ASPH: variants seen among roughly 807,000 people sequenced by gnomAD.
ASPH encodes the protein aspartyl/asparaginyl beta-hydroxylase.
In ASPH, 100 loss-of-function variants were observed where a neutral mutation model predicts 118.4. That is an observed-to-expected ratio of 0.84 (90% CI 0.72 to 1.00). ASPH has a LOEUF of 1.00. Among genes scored for constraint, ASPH ranks in the 50% least tolerant of loss-of-function variants. The pLI is 0.00. For missense variants in ASPH, 920 were observed against 919.5 expected (o/e 1.00, Z -0.01); for synonymous variants, 315 against 325.6 (o/e 0.97, Z 0.35).
rs560462523 is a variant in ASPH at position 61,639,784 on chromosome 8, T to C, written c.791-1421A>G. Among the ~76,000 whole-genome samples the C allele has an allele frequency of 1.1e-4, 16 of 152,228 alleles. No homozygotes were observed. The East Asian group carries it at 2.7e-3, about 26-fold the overall frequency. ...CTCAGATGCCTCAAAGAAATCTCAC[T>C]ATCATCATGTAAAGAACTGGACTCA... On this transcript the variant is annotated intron_variant, in intron 10 of 24. Coordinates refer to ENST00000379454, the MANE Select transcript of ASPH (RefSeq NM_004318.4).
intron 21 of ASPH, among the ~76,000 whole-genome samples, chr8:61,532,923 G>A (rs1247123016): frequency 6.6e-6 from 1 of 152,174 alleles, no homozygotes; most frequent in Non-Finnish European, 1.5e-5. Context: ...CTATATGCAA[G>A]TATAGCTATG....
chr8:61,581,356 C>T (rs1047294615), intron 15 of ASPH, among the ~76,000 whole-genome samples: 3 of 152,172 alleles, frequency 2.0e-5, no homozygotes, highest in African/African-American at 7.2e-5. Flanking sequence ...TGATCTGTTC[C>T]TCAACATAGC....
chr8:61,599,062 C>T (rs1394853657), intron 14 of ASPH, among the ~76,000 whole-genome samples: 1 of 151,976 alleles, frequency 6.6e-6, no homozygotes, highest in Non-Finnish European at 1.5e-5. Flanking sequence ...AAATAAACAA[C>T]CTAATGACAT....
At chr8:61,679,144 G>C (rs149784764) in intron 3 of ASPH, among the ~76,000 whole-genome samples, 68 of 152,216 alleles carry the variant, frequency 4.5e-4, no homozygotes, top group African/African-American at 1.6e-3. Flanking sequence ...CCTTTGGTTT[G>C]TTTCATCTGT....
chr8:61,574,782 C>A (rs1319368130), intron 16 of ASPH, among the ~76,000 whole-genome samples: 1 of 152,046 alleles, frequency 6.6e-6, no homozygotes, highest in African/African-American at 2.4e-5. Context: ...CACCATGGCA[C>A]GTGTATACCT....
At chr8:61,668,979 T>C (rs1821056962) in intron 3 of ASPH, among the ~76,000 whole-genome samples, 1 of 152,172 alleles carries the variant, frequency 6.6e-6, no homozygotes. Context: ...CCCAATTCTC[T>C]CTCTCAGTCA....
intron 3 of ASPH, chr8:61,664,810 CAGGGAAGCAGGAA>C (rs1481902676): frequency 2.0e-6 from 2 of 987,612 alleles, no homozygotes; most frequent in African/African-American, 3.5e-5. Flanking sequence ...AAGAGAAAAA[CAGGGAAGCAGGAA>C]GGGGAAGGAG....
rs2151675368 is a variant in ASPH at position 61,684,088 on chromosome 8, T to C, written c.204A>G (p.Thr68=). 6.2e-7 allele frequency: 1 copy of C among 1,613,812 alleles called. No homozygotes were observed. The highest frequency in any genetic ancestry group is 8.5e-7 in the Non-Finnish European group (1 of 1,179,790). Residue 68 remains threonine, a synonymous_variant, in exon 2 of 25, where the codon ACA becomes ACG. Coordinates refer to ENST00000379454, the MANE Select transcript of ASPH (RefSeq NM_004318.4). ...GATCAAACCAAACGACAGCTACAGA[T>C]GTCCAGACGCCCAGCAATGCAATCA... ...FMVIALLGVW[T]SVAVVWFDLV... is the part of the protein sequence containing the mutation.
intron 14 of ASPH, chr8:61,607,344 A>AAT (rs1277151262): frequency 2.0e-5 from 14 of 696,800 alleles, no homozygotes; most frequent in Non-Finnish European, 3.1e-5. Flanking sequence ...AGTGTGTCGG[A>AAT]ATATATATAA....
At chr8:61,625,528 T>C (rs1852439513) in intron 13 of ASPH, 4 of 985,184 alleles carry the variant, frequency 4.1e-6, no homozygotes, top group African/African-American at 3.5e-5. Context: ...CAAAGCATTT[T>C]TGCATGATAA....
intron 1 of ASPH, among the ~76,000 whole-genome samples, chr8:61,696,179 A>G (rs1731472907): frequency 6.6e-6 from 1 of 152,158 alleles, no homozygotes. Flanking sequence ...CTGTCCTGGC[A>G]AACACCAGAT....
At chr8:61,646,624 A>T in intron 6 of ASPH, 126 bp downstream of exon 6, 2 of 1,151,104 alleles carry the variant, frequency 1.7e-6, no homozygotes, top group Non-Finnish European at 2.3e-6. Context: ...TTGAAGCTTT[A>T]AGCTTCAACT....
intron 1 of ASPH, among the ~76,000 whole-genome samples, chr8:61,706,486 G>T (rs1836736754): frequency 6.9e-6 from 1 of 144,286 alleles, no homozygotes. Context: ...GAAGAAAGAA[G>T]AAAGAAGAAA....
intron 24 of ASPH, among the ~76,000 whole-genome samples, chr8:61,506,831 C>T (rs370060892): frequency 1.3e-5 from 2 of 152,144 alleles, no homozygotes; most frequent in Non-Finnish European, 2.9e-5. Flanking sequence ...ATGCATCACT[C>T]TTTATGATGT....
chr8:61,625,388 G>C (rs1852398313), intron 13 of ASPH: 3 of 985,678 alleles, frequency 3.0e-6, no homozygotes, highest in South Asian at 9.4e-5. Context: ...TAGTGCTGGA[G>C]GGGAATTACT....
chr8:61,563,782 T>G (rs914540071), intron 17 of ASPH, among the ~76,000 whole-genome samples: 1 of 152,232 alleles, frequency 6.6e-6, no homozygotes. Flanking sequence ...TCTGCCCACC[T>G]AGGCTCACAC....
chr8:61,649,648 C>T lies in ASPH; in HGVS notation c.490+1402G>A, dbSNP rs576018065. Among the ~76,000 whole-genome samples the T allele has an allele frequency of 6.6e-5, 10 of 152,170 alleles. No homozygotes were observed. In the South Asian group the frequency reaches 2.1e-3, roughly 32 times the overall value. Reference sequence around the variant, plus strand: ...TTGACTACTTCCCTCTTTTGGCTGCCTGCCCACCCCCCACCACCTAAACAT... The same window carrying T: ...TTGACTACTTCCCTCTTTTGGCTGCTTGCCCACCCCCCACCACCTAAACAT... On this transcript the variant is annotated intron_variant, in intron 5 of 24. Coordinates refer to ENST00000379454, the MANE Select transcript of ASPH (RefSeq NM_004318.4).
intron 3 of ASPH, among the ~76,000 whole-genome samples, chr8:61,671,133 C>T (rs529580516): frequency 2.6e-5 from 4 of 152,052 alleles, no homozygotes; most frequent in African/African-American, 9.7e-5. Flanking sequence ...TATTAGTTTG[C>T]GGGCATTAGA....
chr8:61,537,421 G>A (rs1456715020), intron 21 of ASPH, among the ~76,000 whole-genome samples: 1 of 152,164 alleles, frequency 6.6e-6, no homozygotes, highest in African/African-American at 2.4e-5. Context: ...CCAGGCTGGA[G>A]GGCAGTGGCA....
Sources: gnomAD v4.1 joint callset for allele counts (sites outside exome capture counted in the v4.1 genomes callset) on GRCh38, gnomAD v4.1.1 for gene constraint, MANE v1.5 for transcripts, NCBI Gene and HGNC (gene_info 2026-07-23, HGNC 2026-07-21) for gene names.